Variants in RBPMS2 observed in about 807,000 individuals in gnomAD.
The protein encoded by RBPMS2 is RNA binding protein, mRNA processing factor 2.
A neutral mutation model predicts 25.7 loss-of-function variants in RBPMS2; 14 were observed. That is an observed-to-expected ratio of 0.55 (90% CI 0.36 to 0.85). RBPMS2 has a LOEUF of 0.85. RBPMS2 is among the 40% of genes least tolerant of loss of function. RBPMS2 has a pLI of 0.01. For synonymous variants in RBPMS2, 127 were observed against 115.6 expected, an observed-to-expected ratio of 1.10 and a Z score of -0.63; for missense variants, 252 against 283.4, an observed-to-expected ratio of 0.89 and a Z score of 0.80.
intron 6 of RBPMS2, among the ~76,000 whole-genome samples, chr15:64,741,738 T>G (rs35276993): frequency 6.6e-6 from 1 of 152,226 alleles, no homozygotes; most frequent in Non-Finnish European, 1.5e-5. Flanking sequence ...AGACAGGATG[T>G]AAAGATACAG....
chr15:64,749,844 A>T (rs1408932625), intron 3 of RBPMS2, among the ~76,000 whole-genome samples: 1 of 152,208 alleles, frequency 6.6e-6, no homozygotes, highest in Non-Finnish European at 1.5e-5. Flanking sequence ...CCCAGCAAGA[A>T]AGGGGACACC....
At chr15:64,761,549 G>A (rs1238363768) in intron 1 of RBPMS2, among the ~76,000 whole-genome samples, 2 of 152,120 alleles carry the variant, frequency 1.3e-5, no homozygotes, top group Non-Finnish European at 2.9e-5. Context: ...CTGGCCTTCG[G>A]CTTTTTTGAG....
At chr15:64,751,519 G>C (rs942827907) in intron 2 of RBPMS2, 42 bp downstream of exon 2, 3 of 1,555,408 alleles carry the variant, frequency 1.9e-6, no homozygotes, top group Non-Finnish European at 2.7e-6. Flanking sequence ...GCTTCTCCAG[G>C]GTCCCAGGCT....
At chr15:64,742,089 C>G (rs530298712) in intron 6 of RBPMS2, among the ~76,000 whole-genome samples, 1 of 152,056 alleles carries the variant, frequency 6.6e-6, no homozygotes, top group Middle Eastern at 3.2e-3. Context: ...CGCTCGAACC[C>G]GGGAGGCGGA....
In RBPMS2 at chr15:64,775,217, G is replaced by C. The variant is rs2083921818; in HGVS notation, c.87+16C>G. The C allele has an allele frequency of 1.6e-6, 2 of 1,217,020 alleles. No homozygotes were observed. Among genetic ancestry groups the C allele is most frequent in the Non-Finnish European group, 1.0e-6 (1 of 974,634 alleles). 75.4% of individuals were successfully genotyped at this position (1,217,020 alleles called of 1,614,324 possible). A position where few individuals can be genotyped will look rare whatever the true frequency, so the allele number is the denominator to read the frequency against. On this transcript the variant is annotated intron_variant, in intron 1 of 7. Transcript: ENST00000300069. ...GCGTGCGCTTCACCCGGCAAGTCCC[G>C]GGGCCACAGACCCACCTCCTCCTCC...
At chr15:64,760,950 C>G (rs1453529462) in intron 1 of RBPMS2, among the ~76,000 whole-genome samples, 2 of 151,088 alleles carry the variant, frequency 1.3e-5, no homozygotes, top group African/African-American at 4.9e-5. Flanking sequence ...CTCTGGCCTT[C>G]TGTAAATTCC....
At chr15:64,745,757 C>T (rs2141055965) in intron 6 of RBPMS2, among the ~76,000 whole-genome samples, 1 of 152,316 alleles carries the variant, frequency 6.6e-6, no homozygotes, top group Non-Finnish European at 1.5e-5. Context: ...CATGCCAAGA[C>T]AGAGCAGGAC....
At position 64,774,373 on chromosome 15, in the gene RBPMS2, A is replaced by G. The variant is rs551648959; in HGVS notation, c.87+860T>C. ...TCCGCCAGCCTAGCTCCTCGTCCCTATTCACTGATATCTTTGAGGCTTTTA... is the reference window on the plus strand; with the variant it reads ...TCCGCCAGCCTAGCTCCTCGTCCCTGTTCACTGATATCTTTGAGGCTTTTA... On this transcript the variant is annotated intron_variant, in intron 1 of 7. Transcript: ENST00000300069. Among the ~76,000 whole-genome samples, 4 of 152,044 alleles carry G rather than the reference A, an allele frequency of 2.6e-5. No individual in the cohort carries two copies. In the East Asian group the frequency reaches 5.8e-4, roughly 22 times the overall value.
chr15:64,749,264 G>T (rs994556809), intron 4 of RBPMS2, 114 bp from the exon 5 acceptor site: 3 of 1,391,514 alleles, frequency 2.2e-6, no homozygotes, highest in Admixed American at 1.7e-5. Flanking sequence ...CTGCCCACAC[G>T]GTGGCTGAGG....
chr15:64,747,708 G>A (rs1286097970), intron 6 of RBPMS2, among the ~76,000 whole-genome samples: 1 of 152,156 alleles, frequency 6.6e-6, no homozygotes, highest in African/African-American at 2.4e-5. Flanking sequence ...GCGCCTGCAT[G>A]GCCAGGGGAA....
chr15:64,762,323 G>A, intron 1 of RBPMS2: 4 of 518,034 alleles, frequency 7.7e-6, no homozygotes, highest in South Asian at 4.3e-5. Flanking sequence ...GAGTGTGAGT[G>A]GCCTTGTGCC....
At chr15:64,773,854 G>A (rs537140635) in intron 1 of RBPMS2, among the ~76,000 whole-genome samples, 1 of 152,344 alleles carries the variant, frequency 6.6e-6, no homozygotes, top group South Asian at 2.1e-4. Context: ...GGTAGAGTCA[G>A]GATGGGGGCA....
intron 6 of RBPMS2, among the ~76,000 whole-genome samples, chr15:64,742,923 G>C (rs1437724719): frequency 6.6e-6 from 1 of 152,240 alleles, no homozygotes; most frequent in Non-Finnish European, 1.5e-5. Context: ...TCTAGGTGCT[G>C]TTTTGTACAC....
intron 1 of RBPMS2, among the ~76,000 whole-genome samples, chr15:64,770,007 C>T (rs191083456): frequency 4.6e-5 from 7 of 152,170 alleles, no homozygotes; most frequent in Admixed American, 1.3e-4. Flanking sequence ...AGTGAAACCC[C>T]GTCTCTGCTA....
At chr15:64,751,958 CT>C (rs773385963) in intron 1 of RBPMS2, among the ~76,000 whole-genome samples, 2,828 of 143,986 alleles carry the variant, frequency 0.02, 34 homozygotes, top group Middle Eastern at 0.036. Context: ...CCCAGCATGC[CT>C]TTTTTTTTTT....
At chr15:64,764,322 C>A (rs1250138711) in intron 1 of RBPMS2, among the ~76,000 whole-genome samples, 2 of 152,160 alleles carry the variant, frequency 1.3e-5, no homozygotes, top group Non-Finnish European at 2.9e-5. Context: ...GCTAGAGGAC[C>A]CCTACACCCC....
Position 64,741,181 on chromosome 15 carries a change from T to G in RBPMS2, c.629A>C (p.Ter210SerextTer45), listed in dbSNP as rs985232954. Residue 210 changes from the stop codon to serine (S), a stop_lost, in exon 7 of 8, where the codon TAG becomes TCG. Coordinates refer to ENST00000300069, the MANE Select transcript of RBPMS2 (RefSeq NM_194272.3). The part of the protein sequence containing the change: ...QQGWKYRQFC[*>S] Reference sequence around the variant, plus strand: ...CTGGGGCCAACACTTACTGAAAAACTAACAGAACTGACGGTACTTCCATCC... The same window carrying G: ...CTGGGGCCAACACTTACTGAAAAACGAACAGAACTGACGGTACTTCCATCC... 6.3e-7 allele frequency: 1 copy of G among 1,578,892 alleles called. No homozygotes were observed. The highest frequency in any genetic ancestry group is 1.2e-5 in the South Asian group (1 of 85,990).
At chr15:64,758,743 G>C (rs1320266492) in intron 1 of RBPMS2, among the ~76,000 whole-genome samples, 1 of 152,034 alleles carries the variant, frequency 6.6e-6, no homozygotes, top group Non-Finnish European at 1.5e-5. Flanking sequence ...GGGAGTGGGA[G>C]GGTGGGAGAG....
At chr15:64,775,206 C>A in intron 1 of RBPMS2, 27 bp downstream of exon 1, 1 of 1,204,244 alleles carries the variant, frequency 8.3e-7, no homozygotes, top group Non-Finnish European at 1.0e-6. Context: ...GCGCTTCACC[C>A]GGCAAGTCCC....
Sources: allele counts gnomAD v4.1 joint callset (sites outside exome capture counted in the v4.1 genomes callset), GRCh38; gene constraint gnomAD v4.1.1; transcripts MANE v1.5; gene names NCBI Gene and HGNC (gene_info 2026-07-23, HGNC 2026-07-21).